The following ADAMTS18 variants were observed in gnomAD, a reference collection of about 807,000 sequenced individuals.
ADAMTS18 encodes the protein A disintegrin and metalloproteinase with thrombospondin motifs 18.
Under a neutral mutation model 165.9 loss-of-function variants are expected in ADAMTS18, and 157 were observed. The ratio of observed to expected loss-of-function variants is 0.95; its 90% CI spans 0.83 to 1.08. ADAMTS18 has a LOEUF of 1.08. Among genes scored for constraint, ADAMTS18 ranks in the 50% least tolerant of loss-of-function variants. The probability of loss-of-function intolerance (pLI) is 0.00; values close to 1 mark genes in which losing one functional copy is unlikely to be tolerated. For missense variants in ADAMTS18, 2,040 were observed against 1,534.0 expected (o/e 1.33, Z -5.51); for synonymous variants, 782 against 578.2 (o/e 1.35, Z -5.06).
At chr16:77,348,750 C>A (rs1454185980) in intron 10 of ADAMTS18, among the ~76,000 whole-genome samples, 1 of 152,114 alleles carries the variant, frequency 6.6e-6, no homozygotes, top group East Asian at 1.9e-4. Context: ...GATGTGTATA[C>A]ACAGTTAAAA....
chr16:77,310,132 G>A (rs1034806151), intron 16 of ADAMTS18, among the ~76,000 whole-genome samples: 7 of 152,108 alleles, frequency 4.6e-5, no homozygotes, highest in Non-Finnish European at 8.8e-5. Flanking sequence ...CTTCACTCCT[G>A]GCTTCAGTGA....
chr16:77,383,051 A>G (rs959483155), intron 3 of ADAMTS18, among the ~76,000 whole-genome samples: 1 of 152,206 alleles, frequency 6.6e-6, no homozygotes, highest in Admixed American at 6.5e-5. Flanking sequence ...TTATGCAGTT[A>G]AGAATACTGA....
chr16:77,421,326 G>C (rs573607303), intron 3 of ADAMTS18, among the ~76,000 whole-genome samples: 111 of 152,332 alleles, frequency 7.3e-4, no homozygotes, highest in African/African-American at 2.5e-3. Flanking sequence ...AAAACCGTGG[G>C]AACGGGCTTT....
At chr16:77,359,638 C>T (rs1007201484) in intron 7 of ADAMTS18, among the ~76,000 whole-genome samples, 3 of 151,270 alleles carry the variant, frequency 2.0e-5, no homozygotes, top group Non-Finnish European at 2.9e-5. Flanking sequence ...GCTTTTGTTA[C>T]ATATTGTTAT....
chr16:77,296,566 C>A (rs1356804895), intron 18 of ADAMTS18, among the ~76,000 whole-genome samples: 1 of 152,156 alleles, frequency 6.6e-6, no homozygotes. Flanking sequence ...AAAAAAGCAC[C>A]TCACGCCTGT....
intron 22 of ADAMTS18, among the ~76,000 whole-genome samples, chr16:77,285,733 T>C (rs909541247): frequency 6.6e-6 from 1 of 152,188 alleles, no homozygotes; most frequent in African/African-American, 2.4e-5. Context: ...GTATTTCATT[T>C]ACACTATTGA....
intron 11 of ADAMTS18, among the ~76,000 whole-genome samples, chr16:77,336,152 C>T (rs563029853): frequency 1.3e-5 from 2 of 152,280 alleles, no homozygotes; most frequent in East Asian, 3.9e-4. Context: ...GTATGATAGG[C>T]TTTGTGAACT....
chr16:77,288,525 A>G (rs1478960119), intron 22 of ADAMTS18, among the ~76,000 whole-genome samples: 1 of 151,986 alleles, frequency 6.6e-6, no homozygotes, highest in Admixed American at 6.6e-5. Context: ...CAGACTTTCC[A>G]TTTTCCTATC....
intron 16 of ADAMTS18, 31 bp from the exon 17 acceptor site, chr16:77,300,435 A>AAGAT (rs2055561245): frequency 6.2e-7 from 1 of 1,613,232 alleles, no homozygotes; most frequent in Non-Finnish European, 8.5e-7. Context: ...ATCAGAGATC[A>AAGAT]AGATACAGGT....
chr16:77,348,142 G>C (rs1294634496), intron 10 of ADAMTS18, among the ~76,000 whole-genome samples: 6 of 151,982 alleles, frequency 3.9e-5, no homozygotes, highest in Non-Finnish European at 8.8e-5. Context: ...AGCACTTTCT[G>C]ACTAATCTTG....
intron 3 of ADAMTS18, among the ~76,000 whole-genome samples, chr16:77,368,412 G>C (rs907950498): frequency 6.6e-6 from 1 of 150,920 alleles, no homozygotes; most frequent in East Asian, 1.9e-4. Context: ...TTCTCAAGTG[G>C]TTCACACTTG....
chr16:77,380,491 G>C (rs546380557), intron 3 of ADAMTS18, among the ~76,000 whole-genome samples: 1 of 152,288 alleles, frequency 6.6e-6, no homozygotes, highest in Admixed American at 6.5e-5. Context: ...TCCAAGTTAT[G>C]CCTGTGCCCA....
At chr16:77,368,429 CT>C (rs1202728780) in intron 3 of ADAMTS18, among the ~76,000 whole-genome samples, 4 of 144,290 alleles carry the variant, frequency 2.8e-5, no homozygotes, top group Non-Finnish European at 4.5e-5. Flanking sequence ...CTTGATTTTT[CT>C]TTTTTTCTTT....
At chr16:77,331,774 C>T (rs1470277167) in intron 12 of ADAMTS18, among the ~76,000 whole-genome samples, 1 of 152,126 alleles carries the variant, frequency 6.6e-6, no homozygotes, top group African/African-American at 2.4e-5. Context: ...AAGAATTTGC[C>T]AGCCCATGTC....
chr16:77,383,262 G>C (rs952956453), intron 3 of ADAMTS18, among the ~76,000 whole-genome samples: 4 of 151,886 alleles, frequency 2.6e-5, no homozygotes, highest in Admixed American at 1.3e-4. Context: ...TCACCATCAT[G>C]CTCTATCACT....
chr16:77,364,043 C>T (rs2056755245), intron 5 of ADAMTS18, 145 bp downstream of exon 5: 1 of 1,278,958 alleles, frequency 7.8e-7, no homozygotes, highest in Non-Finnish European at 1.1e-6. Context: ...AAAATAAAAC[C>T]ACATATGTAG....
chr16:77,356,272 G>A (rs1213401670), intron 8 of ADAMTS18, among the ~76,000 whole-genome samples, 195 bp from the exon 9 acceptor site: 1 of 152,142 alleles, frequency 6.6e-6, no homozygotes, highest in African/African-American at 2.4e-5. Flanking sequence ...AATGCTGAGG[G>A]CTTTGTTATA....
intron 8 of ADAMTS18, among the ~76,000 whole-genome samples, chr16:77,358,007 C>T (rs1395179412): frequency 2.0e-5 from 3 of 152,154 alleles, no homozygotes; most frequent in South Asian, 2.1e-4. Flanking sequence ...GACACCTGTT[C>T]GGTTGGACTT....
intron 22 of ADAMTS18, among the ~76,000 whole-genome samples, chr16:77,289,015 G>A (rs140538817): frequency 1.4e-3 from 215 of 152,304 alleles, no homozygotes; most frequent in Non-Finnish European, 2.5e-3. Context: ...AACCCGGGAG[G>A]CAGAGGTTAC....
Sources: allele counts gnomAD v4.1 joint callset (sites outside exome capture counted in the v4.1 genomes callset), GRCh38; gene constraint gnomAD v4.1.1; transcripts MANE v1.5; gene names NCBI Gene and HGNC (gene_info 2026-07-23, HGNC 2026-07-21).